DNAJC13: variants seen among roughly 807,000 people sequenced by gnomAD.
DNAJC13 encodes dnaJ homolog subfamily C member 13.
Under a neutral mutation model 290.5 loss-of-function variants are expected in DNAJC13, and 75 were observed. The observed-to-expected ratio is 0.26, with a 90% CI of 0.21 to 0.31. The LOEUF (loss-of-function observed/expected upper bound fraction) is 0.31, where lower values mean the gene tolerates loss of function less well. Ranked by LOEUF, DNAJC13 falls within the 10% of genes least tolerant of loss-of-function variation. DNAJC13 has a pLI of 1.00. For synonymous variants in DNAJC13, 862 were observed against 892.0 expected (o/e 0.97, Z 0.60); for missense variants, 2,260 against 2,674.5 (o/e 0.85, Z 3.42).
chr3:132,477,450 C>T (rs1934510135), intron 22 of DNAJC13, among the ~76,000 whole-genome samples: 6 of 152,184 alleles, frequency 3.9e-5, no homozygotes, highest in Admixed American at 3.9e-4. Context: ...GAGGGAAGAC[C>T]TGAAGTAGTG....
intron 1 of DNAJC13, among the ~76,000 whole-genome samples, chr3:132,421,383 ATAGT>A (rs1458917343): frequency 1.3e-5 from 2 of 152,320 alleles, no homozygotes; most frequent in African/African-American, 2.4e-5. Flanking sequence ...CAATATGTAA[ATAGT>A]TAAGTATGAT....
rs1936678060 is a variant in DNAJC13, at chr3:132,538,813, A to G, written c.*531A>G. On this transcript the variant is annotated 3_prime_UTR_variant, in exon 56 of 56. Coordinates refer to ENST00000260818, the MANE Select transcript of DNAJC13 (RefSeq NM_015268.4). ...CTGAAAGCTCACAGTACACATTAGT[A>G]TGTATAACTGGCTTTACCAAATTGA... is the stretch of plus-strand genomic sequence containing the variant. 1 of 152,294 alleles carries G rather than the reference A, an allele frequency of 6.6e-6. No homozygotes were observed. Among genetic ancestry groups the G allele is most frequent in the African/African-American group, 2.4e-5 (1 of 41,454 alleles). 9.4% of individuals were successfully genotyped at this position (152,294 alleles called of 1,614,324 possible).
intron 33 of DNAJC13, among the ~76,000 whole-genome samples, chr3:132,493,792 C>T (rs1390288133): frequency 6.7e-6 from 1 of 150,146 alleles, no homozygotes; most frequent in Non-Finnish European, 1.5e-5. Context: ...TTTCTGGACA[C>T]TTTAAAAATT....
At chr3:132,521,866 C>A (rs559946599) in intron 48 of DNAJC13, among the ~76,000 whole-genome samples, 23 of 152,218 alleles carry the variant, frequency 1.5e-4, no homozygotes, top group African/African-American at 5.3e-4. Flanking sequence ...CCATGGGAAC[C>A]CCAGGAGAAA....
At chr3:132,486,769 G>A (rs1934892560) in intron 29 of DNAJC13, among the ~76,000 whole-genome samples, 1 of 152,116 alleles carries the variant, frequency 6.6e-6, no homozygotes, top group Non-Finnish European at 1.5e-5. Context: ...GACTTTAAGA[G>A]CAGTCATCAT....
At chr3:132,429,511 C>G (rs1025344504) in intron 1 of DNAJC13, among the ~76,000 whole-genome samples, 2 of 152,106 alleles carry the variant, frequency 1.3e-5, no homozygotes, top group African/African-American at 4.8e-5. Context: ...GAAATAAATG[C>G]ATGGTAAATG....
chr3:132,417,969 A>G (rs1246082210), intron 1 of DNAJC13, among the ~76,000 whole-genome samples: 1 of 152,116 alleles, frequency 6.6e-6, no homozygotes, highest in African/African-American at 2.4e-5. Flanking sequence ...ACATTAGCTC[A>G]GGGCGCTGCC....
intron 42 of DNAJC13, among the ~76,000 whole-genome samples, chr3:132,506,506 T>A (rs1352966879): frequency 6.7e-6 from 1 of 148,692 alleles, no homozygotes; most frequent in African/African-American, 2.5e-5. Flanking sequence ...CTCCCATTCC[T>A]CCTCTATTTT....
chr3:132,420,473 C>T (rs1938922551), intron 1 of DNAJC13, among the ~76,000 whole-genome samples: 1 of 152,106 alleles, frequency 6.6e-6, no homozygotes, highest in South Asian at 2.1e-4. Context: ...TCAACAGAAC[C>T]GAGAGTGCTG....
rs151174185 is a variant in DNAJC13 at position 132,538,202 on chromosome 3, G to C, written c.6652G>C (p.Ala2218Pro). 1 of 1,613,646 alleles carries C rather than the reference G, an allele frequency of 6.2e-7. No individual in the cohort carries two copies. The highest frequency in any genetic ancestry group is 1.1e-5 in the South Asian group (1 of 91,028). Residue 2218 changes from alanine (A) to proline (P), a missense_variant, in exon 56 of 56, where the codon GCA becomes CCA. Around this residue, in one of 3 missense-constraint regions of DNAJC13, gnomAD observed 1,494 missense variants for 1,693.7 expected, o/e 0.88. Transcript: ENST00000260818. Reference sequence around the variant, plus strand: ...ACCTGGAGTTGCTGGCTACCTTACCGCAGGTACATCTACATCAGTCATGTC... The same window carrying C: ...ACCTGGAGTTGCTGGCTACCTTACCCCAGGTACATCTACATCAGTCATGTC... ...TGPGVAGYLT[A>P]GTSTSVMSNL...
rs1936662911 is a variant in DNAJC13 at position 132,538,375 on chromosome 3, C to T, written c.*93C>T. The T allele has an allele frequency of 3.3e-6, 3 of 917,774 alleles. No homozygotes were observed. Among genetic ancestry groups the T allele is most frequent in the East Asian group, 5.1e-5 (2 of 38,996 alleles). 56.9% of individuals were successfully genotyped at this position (917,774 alleles called of 1,614,324 possible). A position where few individuals can be genotyped will look rare whatever the true frequency, so the allele number is the denominator to read the frequency against. On this transcript the variant is annotated 3_prime_UTR_variant, in exon 56 of 56. Transcript: ENST00000260818. ...TGAAGCAAACTCTTACTGCCTTTCT[C>T]CTGGTTTCATGACAGTGTTATTCCT...
intron 51 of DNAJC13, among the ~76,000 whole-genome samples, chr3:132,524,385 T>G (rs1051696316): frequency 3.3e-5 from 5 of 152,168 alleles, no homozygotes; most frequent in African/African-American, 1.2e-4. Flanking sequence ...CTGAGTGGTG[T>G]TATTTGATGG....
chr3:132,535,828 C>G (rs530069273), intron 55 of DNAJC13, among the ~76,000 whole-genome samples: 1 of 152,294 alleles, frequency 6.6e-6, no homozygotes, highest in South Asian at 2.1e-4. Flanking sequence ...CTGCCCTATT[C>G]TGTGCAAATG....
chr3:132,538,453 C>T lies in DNAJC13; in HGVS notation c.*171C>T, dbSNP rs537000799. 1 of 533,878 alleles carries T rather than the reference C, an allele frequency of 1.9e-6. No homozygotes were observed. Among genetic ancestry groups the T allele is most frequent in the East Asian group, 3.1e-5 (1 of 31,904 alleles). The allele number at this position is 533,878 out of a possible 1,614,324, so 33.1% of individuals were successfully genotyped here. On this transcript the variant is annotated 3_prime_UTR_variant, in exon 56 of 56. Coordinates refer to ENST00000260818, the MANE Select transcript of DNAJC13 (RefSeq NM_015268.4). ...AAAGTCAGTGATCCTAATTGTATCACATTATAAGAAAGCACTCTGTGGATC... is the reference window on the plus strand; with the variant it reads ...AAAGTCAGTGATCCTAATTGTATCATATTATAAGAAAGCACTCTGTGGATC...
intron 25 of DNAJC13, among the ~76,000 whole-genome samples, 178 bp from the exon 26 acceptor site, chr3:132,480,191 C>A (rs139582346): frequency 6.6e-6 from 1 of 152,060 alleles, no homozygotes; most frequent in Non-Finnish European, 1.5e-5. Flanking sequence ...GTTCCTTGAA[C>A]ACAAAATGCT....
intron 27 of DNAJC13, among the ~76,000 whole-genome samples, chr3:132,482,748 A>G (rs1354111319): frequency 6.6e-6 from 1 of 151,938 alleles, no homozygotes; most frequent in African/African-American, 2.4e-5. Context: ...AGTGTCAGCT[A>G]CTTGAGAGGC....
intron 42 of DNAJC13, among the ~76,000 whole-genome samples, chr3:132,506,554 T>TG (rs1935598745): frequency 1.6e-5 from 2 of 125,292 alleles, no homozygotes; most frequent in Admixed American, 7.8e-5. Context: ...TTTTTTTTTT[T>TG]TTTTTTTTTT....
At chr3:132,437,675 C>T (rs1026126603) in intron 2 of DNAJC13, among the ~76,000 whole-genome samples, 1 of 152,130 alleles carries the variant, frequency 6.6e-6, no homozygotes, top group Non-Finnish European at 1.5e-5. Flanking sequence ...ATCCTGTATG[C>T]CTAACCTTAT....
intron 9 of DNAJC13, among the ~76,000 whole-genome samples, chr3:132,454,917 C>G (rs1214306657): frequency 6.6e-6 from 1 of 152,018 alleles, no homozygotes; most frequent in Non-Finnish European, 1.5e-5. Context: ...TCCTCTTATT[C>G]CCAATAACAC....
Sources: gnomAD v4.1 joint callset for allele counts (sites outside exome capture counted in the v4.1 genomes callset) on GRCh38, gnomAD v4.1.1 for gene constraint, gnomAD v4.1.1 regional missense constraint, MANE v1.5 for transcripts, NCBI Gene and HGNC (gene_info 2026-07-23, HGNC 2026-07-21) for gene names.